PARG: variants seen among roughly 807,000 people sequenced by gnomAD.
PARG encodes mitochondrial poly(ADP-ribose) glycohydrolase.
In PARG, 35 loss-of-function variants were observed where a neutral mutation model predicts 113.0. The observed-to-expected ratio is 0.31, with a 90% CI of 0.24 to 0.41. The LOEUF (loss-of-function observed/expected upper bound fraction) is 0.41, where lower values mean the gene tolerates loss of function less well. Among genes scored for constraint, PARG ranks in the 10% least tolerant of loss-of-function variants. PARG has a pLI of 1.00. For missense variants in PARG, 797 were observed against 1,169.4 expected (o/e 0.68, Z 4.64); for synonymous variants, 330 against 409.9 (o/e 0.81, Z 2.36).
At chr10:49,870,132 C>T (rs1203020220) in intron 9 of PARG, among the ~76,000 whole-genome samples, 14 of 151,376 alleles carry the variant, frequency 9.2e-5, no homozygotes, top group Non-Finnish European at 1.3e-4. Context: ...TCCTTAATCC[C>T]TAATATAGCT....
At chr10:49,896,639 G>A (rs1848104621) in intron 7 of PARG, among the ~76,000 whole-genome samples, 2 of 152,000 alleles carry the variant, frequency 1.3e-5, no homozygotes, top group African/African-American at 4.8e-5. Flanking sequence ...TGCTTATTCT[G>A]CATTTATCAC....
intron 1 of PARG, among the ~76,000 whole-genome samples, chr10:49,937,949 G>T (rs1375644816): frequency 6.6e-6 from 1 of 152,178 alleles, no homozygotes; most frequent in South Asian, 2.1e-4. Flanking sequence ...CACACCACAG[G>T]ACTGTGTCAG....
intron 9 of PARG, among the ~76,000 whole-genome samples, chr10:49,878,821 C>T (rs1385208896): frequency 6.6e-6 from 1 of 151,562 alleles, no homozygotes; most frequent in African/African-American, 2.4e-5. Flanking sequence ...GGGAAAGGGG[C>T]ACAGATTATA....
In PARG at chr10:49,928,179, G is replaced by A. The variant is rs551010536; in HGVS notation, c.1455+3921C>T. 2.0e-3 allele frequency among the ~76,000 whole-genome samples: 300 copies of A among 152,058 alleles called. 3 individuals carry two copies. The highest frequency in any genetic ancestry group is 7.0e-3 in the African/African-American group (289 of 41,474). ...CCAGCTACTTGGGAGGGTGAGGTAG[G>A]AGGATCGCTTGAACCCGGGAGGCAG... On this transcript the variant is annotated intron_variant, in intron 4 of 17. Transcript: ENST00000616448.
chr10:49,912,169 G>A lies in PARG; in HGVS notation c.1737+3748C>T, dbSNP rs554652237. On this transcript the variant is annotated intron_variant, in intron 7 of 17. Transcript: ENST00000616448. Reference sequence around the variant, plus strand: ...CCAAAAATTAGCCAGGTGTGGTGGTGCATGCCTGTAGTCCCAGCTACTCAG... The same window carrying A: ...CCAAAAATTAGCCAGGTGTGGTGGTACATGCCTGTAGTCCCAGCTACTCAG... Among the ~76,000 whole-genome samples, 9 of 152,046 alleles carry A rather than the reference G, an allele frequency of 5.9e-5. No individual in the cohort carries two copies. In the East Asian group the frequency reaches 1.4e-3, roughly 23 times the overall value.
intron 7 of PARG, among the ~76,000 whole-genome samples, chr10:49,888,661 G>A (rs1237963482): frequency 1.3e-5 from 2 of 152,036 alleles, no homozygotes; most frequent in Non-Finnish European, 2.9e-5. Context: ...CTTTGCCTTT[G>A]GTTTTAAGAA....
At chr10:49,857,009 CAAA>C (rs71270682) in intron 13 of PARG, among the ~76,000 whole-genome samples, 23,928 of 72,842 alleles carry the variant, frequency 0.33, 1,693 homozygotes, top group Non-Finnish European at 0.38. Flanking sequence ...ACCTCTGTCT[CAAA>C]AAAAAAAAAA....
chr10:49,834,582 A>G (rs1554830797), intron 15 of PARG, among the ~76,000 whole-genome samples: 1 of 152,180 alleles, frequency 6.6e-6, no homozygotes, highest in Non-Finnish European at 1.5e-5. Flanking sequence ...ATGAAACTGA[A>G]AATAAACCTC....
At chr10:49,910,953 A>G (rs1201212470) in intron 7 of PARG, among the ~76,000 whole-genome samples, 3 of 152,142 alleles carry the variant, frequency 2.0e-5, no homozygotes, top group Non-Finnish European at 4.4e-5. Context: ...TTAACACACT[A>G]TAAGTGAAAT....
At position 49,857,409 on chromosome 10, in the gene PARG, T is replaced by A. The variant is rs1554835257; in HGVS notation, c.2250A>T (p.Ala750=). 7 of 1,609,738 alleles carry A rather than the reference T, an allele frequency of 4.3e-6. No homozygotes were observed. In the African/African-American group the frequency reaches 9.4e-5, roughly 22 times the overall value. ...NRFVGGGVTS[A]GLVQEEIRFL... Reference sequence around the variant, plus strand: ...AGCGGATTTCTTCTTGCACAAGTCCTGCACTGGTTACACCACCTCCAACAA... The same window carrying A: ...AGCGGATTTCTTCTTGCACAAGTCCAGCACTGGTTACACCACCTCCAACAA... The change falls in exon 13 of 18, where the codon GCA becomes GCT. Residue 750 remains alanine (A), a synonymous_variant. Coordinates refer to ENST00000616448, the MANE Select transcript of PARG (RefSeq NM_003631.5).
Position 49,942,025 on chromosome 10 carries a change from A to C in PARG, c.-300T>G. Reference sequence around the variant, plus strand: ...GGCGCTTCCGGCTTCCGGGGCGCACACTGCCGCAAAGCGGAAGTGTGGCGC... The same window carrying C: ...GGCGCTTCCGGCTTCCGGGGCGCACCCTGCCGCAAAGCGGAAGTGTGGCGC... On this transcript the variant is annotated 5_prime_UTR_variant, in exon 1 of 18. Coordinates refer to ENST00000616448, the MANE Select transcript of PARG (RefSeq NM_003631.5). 2 of 1,041,814 alleles carry C rather than the reference A, an allele frequency of 1.9e-6. No individual in the cohort carries two copies. The highest frequency in any genetic ancestry group is 2.8e-6 in the Non-Finnish European group (2 of 720,842). 64.5% of individuals were successfully genotyped at this position (1,041,814 alleles called of 1,614,324 possible). A position where few individuals can be genotyped will look rare whatever the true frequency, so the allele number is the denominator to read the frequency against.
Position 49,913,766 on chromosome 10 carries a change from C to T in PARG, c.1737+2151G>A, listed in dbSNP as rs185692554. Reference sequence around the variant, plus strand: ...AAAAATATAAAAATTAGCCGGGCAACGTGGCGGGCACCTGTAATCCCAGCT... The same window carrying T: ...AAAAATATAAAAATTAGCCGGGCAATGTGGCGGGCACCTGTAATCCCAGCT... On this transcript the variant is annotated intron_variant, in intron 7 of 17. Coordinates refer to ENST00000616448, the MANE Select transcript of PARG (RefSeq NM_003631.5). Among the ~76,000 whole-genome samples, 270 of 152,138 alleles carry T rather than the reference C, an allele frequency of 1.8e-3. 1 individual carries two copies. In the East Asian group the frequency reaches 0.029, roughly 16 times the overall value.
chr10:49,869,035 C>T (rs1206887293), intron 10 of PARG, among the ~76,000 whole-genome samples: 1 of 151,376 alleles, frequency 6.6e-6, no homozygotes, highest in African/African-American at 2.4e-5. Flanking sequence ...AAACTCAGTA[C>T]AAAACAGTTT....
intron 7 of PARG, among the ~76,000 whole-genome samples, chr10:49,891,627 T>A (rs1390781777): frequency 1.7e-3 from 130 of 75,044 alleles, no homozygotes; most frequent in African/African-American, 5.7e-3. Flanking sequence ...ATATATATTT[T>A]TTTTTTTTTT....
chr10:49,924,353 C>T (rs1288554265), intron 4 of PARG, among the ~76,000 whole-genome samples: 2 of 152,132 alleles, frequency 1.3e-5, no homozygotes, highest in Non-Finnish European at 2.9e-5. Flanking sequence ...AGCATAATCA[C>T]ATAAATATAT....
chr10:49,819,958 G>A (rs1257378900), intron 17 of PARG, among the ~76,000 whole-genome samples: 1 of 152,114 alleles, frequency 6.6e-6, no homozygotes. Flanking sequence ...TTAGTAAGCT[G>A]ATATACCCTA....
At chr10:49,930,603 T>C (rs1838434532) in intron 4 of PARG, among the ~76,000 whole-genome samples, 1 of 152,216 alleles carries the variant, frequency 6.6e-6, no homozygotes, top group African/African-American at 2.4e-5. Context: ...CCTTTTCTTA[T>C]AAATCTTATA....
chr10:49,894,845 G>C (rs1432710210), intron 7 of PARG, among the ~76,000 whole-genome samples: 1 of 152,192 alleles, frequency 6.6e-6, no homozygotes, highest in Non-Finnish European at 1.5e-5. Flanking sequence ...CAGTTCTGGA[G>C]TCTAGAAATC....
intron 4 of PARG, among the ~76,000 whole-genome samples, chr10:49,931,178 G>T (rs1838458787): frequency 6.6e-6 from 1 of 151,890 alleles, no homozygotes; most frequent in Non-Finnish European, 1.5e-5. Flanking sequence ...CCTCGTTATA[G>T]TCTTTTGTTA....
Sources: allele counts gnomAD v4.1 joint callset (sites outside exome capture counted in the v4.1 genomes callset), GRCh38; gene constraint gnomAD v4.1.1; transcripts MANE v1.5; gene names NCBI Gene and HGNC (gene_info 2026-07-23, HGNC 2026-07-21).